Variants in FGF14 observed in about 807,000 individuals in gnomAD.
FGF14 encodes fibroblast growth factor 14, also known as fibroblast growth factor homologous factor 4.
A neutral mutation model predicts 25.5 loss-of-function variants in FGF14; 5 were observed. The observed-to-expected ratio is 0.20, with a 90% confidence interval of 0.10 to 0.41. The LOEUF (loss-of-function observed/expected upper bound fraction) is 0.41, where lower values mean the gene tolerates loss of function less well. Ranked by LOEUF, FGF14 falls within the 10% of genes least tolerant of loss-of-function variation. The probability of loss-of-function intolerance (pLI) is 1.00; values close to 1 mark genes in which losing one functional copy is unlikely to be tolerated. For synonymous variants in FGF14, 138 were observed against 118.3 expected (o/e 1.17, Z -1.08); for missense variants, 222 against 320.1 (o/e 0.69, Z 2.34).
intron 1 of FGF14, among the ~76,000 whole-genome samples, chr13:102,127,566 A>C (rs1313664847): frequency 6.6e-6 from 1 of 152,226 alleles, no homozygotes; most frequent in Non-Finnish European, 1.5e-5. Flanking sequence ...TTTTACTCAC[A>C]CTTAAAACCA....
chr13:102,069,440 C>G (rs1402375912), intron 1 of FGF14, among the ~76,000 whole-genome samples: 3 of 152,196 alleles, frequency 2.0e-5, no homozygotes, highest in South Asian at 4.1e-4. Flanking sequence ...CTCGGGTCCC[C>G]TTCCACACTG....
intron 1 of FGF14, among the ~76,000 whole-genome samples, chr13:101,971,989 C>G (rs1250926967): frequency 6.6e-6 from 1 of 152,204 alleles, no homozygotes; most frequent in Non-Finnish European, 1.5e-5. Flanking sequence ...CTCAGGAACA[C>G]AAGTGGGCGG....
intron 1 of FGF14, among the ~76,000 whole-genome samples, chr13:101,978,394 G>A (rs1323188): frequency 0.36 from 54,627 of 151,938 alleles, 10,812 homozygotes; most frequent in East Asian, 0.69. Flanking sequence ...ATCTCATCCT[G>A]GTTTCTGATT....
intron 1 of FGF14, among the ~76,000 whole-genome samples, chr13:102,055,349 C>T (rs986823046): frequency 1.3e-5 from 2 of 152,092 alleles, no homozygotes; most frequent in East Asian, 3.8e-4. Context: ...CTCTGTGAAA[C>T]GTTTATTGCT....
chr13:101,864,678 T>A (rs1464118582), intron 3 of FGF14, among the ~76,000 whole-genome samples: 4 of 152,136 alleles, frequency 2.6e-5, no homozygotes, highest in African/African-American at 7.2e-5. Flanking sequence ...TCTCCACTTA[T>A]ACAATCTGGT....
In FGF14 at chr13:101,715,302, T is replaced by C. The variant is rs561499147; in HGVS notation, c.*7529A>G. On this transcript the variant is annotated 3_prime_UTR_variant, in exon 5 of 5. Coordinates refer to ENST00000376143, the MANE Select transcript of FGF14 (RefSeq NM_004115.4). ...TTTAAGGGAAAACAAAATTGTCACC[T>C]AAAAGCCTAGCTGGAGTGATACAGG... is the stretch of plus-strand genomic sequence containing the variant. 245 of 374,732 alleles carry C rather than the reference T, an allele frequency of 6.5e-4. 2 individuals are homozygous for C. The South Asian group carries it at 0.01, about 15-fold the overall frequency. 23.2% of individuals were successfully genotyped at this position (374,732 alleles called of 1,614,324 possible). A position where few individuals can be genotyped will look rare whatever the true frequency, so the allele number is the denominator to read the frequency against.
chr13:102,313,091 T>G (rs1206527696), intron 1 of FGF14, among the ~76,000 whole-genome samples: 1 of 152,182 alleles, frequency 6.6e-6, no homozygotes, highest in African/African-American at 2.4e-5. Context: ...CAAGCACTGA[T>G]AGCCTTACAG....
rs2031741579 is a variant in FGF14 at position 101,902,838 on chromosome 13, A to AATT, written c.193+13614_193+13615insAAT. Among the ~76,000 whole-genome samples, 4 of 152,322 alleles carry AATT rather than the reference A, an allele frequency of 2.6e-5. No homozygotes were observed. The East Asian group carries it at 7.7e-4, about 29-fold the overall frequency. On this transcript the variant is annotated intron_variant, in intron 1 of 4. Transcript: ENST00000376143. ...ACACATTAGTCTAGCCTTCTTTCAA[A>AATT]GGAGGCACTTTTAATAAAAATCTAA...
intron 1 of FGF14, among the ~76,000 whole-genome samples, chr13:101,909,396 A>C (rs572667114): frequency 6.3e-4 from 96 of 152,246 alleles, no homozygotes; most frequent in South Asian, 4.1e-4. Context: ...AATTTGCAAG[A>C]AAAAAACAAA....
Position 101,788,897 on chromosome 13 carries a change from TATATATATATATAGAGAGAG to T in FGF14, c.409-62107_409-62088del, listed in dbSNP as rs1258645934. ...CTATATATATATATATATATATATA[TATATATATATATAGAGAGAG>T]AGAGAGAGAGAGAGAGAGAGAGAGA... On this transcript the variant is annotated intron_variant, in intron 3 of 4. Transcript: ENST00000376143. 6.1e-3 allele frequency among the ~76,000 whole-genome samples: 304 copies of T among 49,674 alleles called. 2 individuals are homozygous for T. The highest frequency in any genetic ancestry group is 0.016 in the African/African-American group (273 of 17,130). The allele number at this position is 49,674 out of a possible 152,430, so 32.6% of individuals were successfully genotyped here. A position where few individuals can be genotyped will look rare whatever the true frequency, so the allele number is the denominator to read the frequency against.
At chr13:102,064,954 T>C (rs1416569918) in intron 1 of FGF14, among the ~76,000 whole-genome samples, 1 of 152,038 alleles carries the variant, frequency 6.6e-6, no homozygotes, top group Non-Finnish European at 1.5e-5. Flanking sequence ...TGACTGTATA[T>C]GAATCCTAAA....
At chr13:102,195,190 G>C (rs1382787699) in intron 1 of FGF14, among the ~76,000 whole-genome samples, 3 of 152,144 alleles carry the variant, frequency 2.0e-5, no homozygotes, top group Non-Finnish European at 4.4e-5. Flanking sequence ...AGCACCAGTA[G>C]ACGTAACAAT....
At chr13:102,162,078 G>A (rs1349482857) in intron 1 of FGF14, among the ~76,000 whole-genome samples, 2 of 152,038 alleles carry the variant, frequency 1.3e-5, no homozygotes, top group African/African-American at 4.8e-5. Flanking sequence ...AGCTTTTTTA[G>A]GAGTTATCTC....
At chr13:101,906,465 T>C (rs2032259237) in intron 1 of FGF14, among the ~76,000 whole-genome samples, 1 of 152,244 alleles carries the variant, frequency 6.6e-6, no homozygotes, top group East Asian at 1.9e-4. Flanking sequence ...ATGAGGCATG[T>C]GGTGTAATAA....
At chr13:101,973,180 C>T (rs1379400782) in intron 1 of FGF14, among the ~76,000 whole-genome samples, 1 of 149,720 alleles carries the variant, frequency 6.7e-6, no homozygotes, top group Non-Finnish European at 1.5e-5. Context: ...TGCATTGAAC[C>T]AGCTGGTTTG....
intron 3 of FGF14, among the ~76,000 whole-genome samples, chr13:101,727,148 G>A (rs1439044658): frequency 6.6e-6 from 1 of 152,004 alleles, no homozygotes; most frequent in Admixed American, 6.6e-5. Flanking sequence ...ACAATAAAGT[G>A]AACCAAATAA....
At chr13:101,899,335 A>G (rs1234654690) in intron 1 of FGF14, among the ~76,000 whole-genome samples, 2 of 152,078 alleles carry the variant, frequency 1.3e-5, no homozygotes, top group Non-Finnish European at 2.9e-5. Flanking sequence ...AAATAAATAC[A>G]TATAGGAGTT....
At chr13:101,917,186 C>T (rs1458622673), upstream of FGF14, among the ~76,000 whole-genome samples, 1 of 151,802 alleles carries the variant, frequency 6.6e-6, no homozygotes, top group East Asian at 1.9e-4. Flanking sequence ...GCCGGCGCCG[C>T]CCGCTCTCGG....
At chr13:102,326,461 T>C (rs1381048691) in intron 1 of FGF14, among the ~76,000 whole-genome samples, 1 of 152,082 alleles carries the variant, frequency 6.6e-6, no homozygotes, top group African/African-American at 2.4e-5. Context: ...TATTAGTGAT[T>C]GGTAAATAAA....
Sources: allele counts gnomAD v4.1 joint callset (sites outside exome capture counted in the v4.1 genomes callset), GRCh38; gene constraint gnomAD v4.1.1; transcripts MANE v1.5; gene names NCBI Gene and HGNC (gene_info 2026-07-23, HGNC 2026-07-21).